CTNNA3: variants seen among roughly 807,000 people sequenced by gnomAD.
CTNNA3 encodes catenin alpha-3.
Under a neutral mutation model 95.7 loss-of-function variants are expected in CTNNA3, and 76 were observed. That is an observed-to-expected ratio of 0.79 (90% CI 0.66 to 0.96). The LOEUF (loss-of-function observed/expected upper bound fraction) is 0.96, where lower values mean the gene tolerates loss of function less well. Among genes scored for constraint, CTNNA3 ranks in the 40% least tolerant of loss-of-function variants. The probability of loss-of-function intolerance (pLI) is 0.00; values close to 1 mark genes in which losing one functional copy is unlikely to be tolerated. For synonymous variants in CTNNA3, 431 were observed against 374.4 expected (o/e 1.15, Z -1.74); for missense variants, 1,191 against 1,089.8 (o/e 1.09, Z -1.31).
rs532031425 is a variant in CTNNA3, at chr10:65,963,639, A to G, written c.2400+2973T>C. Among the ~76,000 whole-genome samples, 5 of 152,262 alleles carry G rather than the reference A, an allele frequency of 3.3e-5. No individual in the cohort carries two copies. In the East Asian group the frequency reaches 7.7e-4, roughly 23 times the overall value. The stretch of plus-strand genomic sequence containing the variant: ...GTTTCTTAATTTTTTATGCATTTCA[A>G]TATCTTAAGGAAATTATCATATAAT... On this transcript the variant is annotated intron_variant, in intron 17 of 17. Transcript: ENST00000433211.
At chr10:66,362,096 A>ATTTT (rs569047811) in intron 12 of CTNNA3, among the ~76,000 whole-genome samples, 6 of 81,770 alleles carry the variant, frequency 7.3e-5, no homozygotes, top group African/African-American at 1.4e-4. Flanking sequence ...TTCATACACA[A>ATTTT]TTTTTTTTTT....
chr10:66,778,360 T>A (rs147281161), intron 7 of CTNNA3, among the ~76,000 whole-genome samples: 4 of 152,280 alleles, frequency 2.6e-5, no homozygotes, highest in Non-Finnish European at 5.9e-5. Flanking sequence ...TTTCAAAGCC[T>A]TAACAAATCA....
chr10:66,199,943 C>T (rs1436144823), intron 13 of CTNNA3, among the ~76,000 whole-genome samples: 12 of 147,840 alleles, frequency 8.1e-5, no homozygotes, highest in Non-Finnish European at 1.2e-4. Context: ...TGAGCCACCG[C>T]GCCCAGCCAA....
chr10:67,438,897 A>G (rs1031499500), intron 5 of CTNNA3, among the ~76,000 whole-genome samples: 6 of 152,210 alleles, frequency 3.9e-5, no homozygotes, highest in Non-Finnish European at 8.8e-5. Flanking sequence ...CGCCCATCCC[A>G]GTGGTCAGAA....
At chr10:67,723,828 C>G (rs367634434) in intron 1 of CTNNA3, among the ~76,000 whole-genome samples, 1 of 152,120 alleles carries the variant, frequency 6.6e-6, no homozygotes, top group Non-Finnish European at 1.5e-5. Flanking sequence ...TCATACCCCA[C>G]GTCTTTCTCG....
chr10:66,271,679 T>G (rs2091284827), intron 13 of CTNNA3, among the ~76,000 whole-genome samples: 2 of 152,174 alleles, frequency 1.3e-5, no homozygotes, highest in South Asian at 2.1e-4. Flanking sequence ...TCAGCTACTT[T>G]GAGTCAAAAG....
intron 11 of CTNNA3, among the ~76,000 whole-genome samples, chr10:66,448,345 A>T (rs915592958): frequency 4.8e-4 from 73 of 152,340 alleles, no homozygotes; most frequent in African/African-American, 1.6e-3. Flanking sequence ...CCAAAGGATT[A>T]TAAATCATGC....
At chr10:67,325,628 G>A (rs1267218461) in intron 5 of CTNNA3, among the ~76,000 whole-genome samples, 1 of 152,120 alleles carries the variant, frequency 6.6e-6, no homozygotes, top group Admixed American at 6.6e-5. Context: ...TTTGCATTTT[G>A]TAGAGAATTG....
chr10:67,122,441 G>C (rs1367867344), intron 7 of CTNNA3, among the ~76,000 whole-genome samples: 1 of 152,008 alleles, frequency 6.6e-6, no homozygotes, highest in Non-Finnish European at 1.5e-5. Context: ...GCTGAATACA[G>C]TCAAAAGAAC....
Position 66,026,260 on chromosome 10 carries a change from A to G in CTNNA3, c.2160-37463T>C, listed in dbSNP as rs142579649. Among the ~76,000 whole-genome samples the G allele has an allele frequency of 1.4e-4, 21 of 152,292 alleles. No individual in the cohort carries two copies. The East Asian group carries it at 3.9e-3, about 28-fold the overall frequency. ...AAAGGGTTGGCTCAAGATGCCAGTC[A>G]TTATAATAATTCCCATATTTAATCC... is the stretch of plus-strand genomic sequence containing the variant. On this transcript the variant is annotated intron_variant, in intron 15 of 17. Transcript: ENST00000433211.
At chr10:67,126,017 C>T (rs1859705548) in intron 7 of CTNNA3, among the ~76,000 whole-genome samples, 1 of 152,130 alleles carries the variant, frequency 6.6e-6, no homozygotes, top group Non-Finnish European at 1.5e-5. Flanking sequence ...GAATACAGTG[C>T]AATGTTTTCC....
chr10:66,303,974 T>A (rs1477388089), intron 12 of CTNNA3, among the ~76,000 whole-genome samples: 1 of 152,110 alleles, frequency 6.6e-6, no homozygotes, highest in African/African-American at 2.4e-5. Flanking sequence ...AAATTTTCTT[T>A]AACAATAACA....
At chr10:67,637,602 G>C (rs1839364929) in intron 2 of CTNNA3, among the ~76,000 whole-genome samples, 1 of 152,236 alleles carries the variant, frequency 6.6e-6, no homozygotes, top group South Asian at 2.1e-4. Flanking sequence ...AAATGGTAAG[G>C]GCAGCCAGAG....
intron 13 of CTNNA3, among the ~76,000 whole-genome samples, chr10:66,190,210 A>G (rs1256872629): frequency 6.6e-6 from 1 of 152,176 alleles, no homozygotes; most frequent in Non-Finnish European, 1.5e-5. Context: ...AGGATCTTCA[A>G]TAACAGTAAT....
At chr10:66,006,442 C>T (rs1365302337) in intron 15 of CTNNA3, among the ~76,000 whole-genome samples, 1 of 152,138 alleles carries the variant, frequency 6.6e-6, no homozygotes, top group Non-Finnish European at 1.5e-5. Flanking sequence ...TCTCTGGACA[C>T]AATGGGAAAT....
intron 2 of CTNNA3, among the ~76,000 whole-genome samples, chr10:67,624,768 G>GTC (rs1843971301): frequency 6.6e-6 from 1 of 152,114 alleles, no homozygotes; most frequent in South Asian, 2.1e-4. Context: ...CAGACTCCCA[G>GTC]TCTCTCTCTC....
At chr10:66,487,501 C>G (rs1432378643) in intron 11 of CTNNA3, among the ~76,000 whole-genome samples, 2 of 151,900 alleles carry the variant, frequency 1.3e-5, no homozygotes, top group Non-Finnish European at 1.5e-5. Context: ...GCTGAGATTA[C>G]AGGCGCGGAG....
Position 67,182,441 on chromosome 10 carries a change from G to T in CTNNA3, c.844-1921C>A, listed in dbSNP as rs546970549. On this transcript the variant is annotated intron_variant, in intron 6 of 17. Transcript: ENST00000433211. ...TGAGAAAAACAAGCAATGGGGAAAG[G>T]ATTCCCTATTTAATAAATGGTGCTG... Among the ~76,000 whole-genome samples the T allele has an allele frequency of 5.5e-3, 842 of 152,054 alleles. 6 individuals are homozygous for T. Among genetic ancestry groups the T allele is most frequent in the African/African-American group, 0.019 (803 of 41,344 alleles).
chr10:67,512,541 CA>C (rs1250207182), intron 5 of CTNNA3, among the ~76,000 whole-genome samples: 1 of 152,086 alleles, frequency 6.6e-6, no homozygotes, highest in Non-Finnish European at 1.5e-5. Context: ...TAGAAATTGT[CA>C]ATAAATCAAA....
Sources: gnomAD v4.1 joint callset for allele counts (sites outside exome capture counted in the v4.1 genomes callset) on GRCh38, gnomAD v4.1.1 for gene constraint, MANE v1.5 for transcripts, NCBI Gene and HGNC (gene_info 2026-07-23, HGNC 2026-07-21) for gene names.